The following PTPRK variants were observed in gnomAD, a reference collection of about 807,000 sequenced individuals.
PTPRK encodes protein tyrosine phosphatase receptor type K, also known as receptor-type tyrosine-protein phosphatase kappa.
In PTPRK, 75 loss-of-function variants were observed where a neutral mutation model predicts 178.0. The observed-to-expected ratio is 0.42, with a 90% CI of 0.35 to 0.51. PTPRK has a LOEUF of 0.51. Among genes scored for constraint, PTPRK ranks in the 20% least tolerant of loss-of-function variants. The pLI is 0.02. For synonymous variants in PTPRK, 637 were observed against 620.6 expected, an observed-to-expected ratio of 1.03 and a Z score of -0.39; for missense variants, 1,441 against 1,797.8, an observed-to-expected ratio of 0.80 and a Z score of 3.59.
chr6:128,454,988 T>C (rs374730072), intron 1 of PTPRK, among the ~76,000 whole-genome samples: 2 of 152,214 alleles, frequency 1.3e-5, no homozygotes, highest in East Asian at 3.9e-4. Context: ...ATAAAAGCCT[T>C]TTGCAAAGAG....
intron 1 of PTPRK, among the ~76,000 whole-genome samples, chr6:128,422,279 C>A (rs1419545146): frequency 3.3e-5 from 5 of 152,138 alleles, no homozygotes; most frequent in Non-Finnish European, 5.9e-5. Flanking sequence ...CACTCTCCCC[C>A]ACCTTCTCCC....
intron 7 of PTPRK, among the ~76,000 whole-genome samples, chr6:128,133,224 A>T (rs1794523089): frequency 6.6e-6 from 1 of 152,242 alleles, no homozygotes; most frequent in Non-Finnish European, 1.5e-5. Context: ...GACAAGATGA[A>T]TAGAATGATG....
At chr6:128,208,525 G>A (rs1412139532) in intron 6 of PTPRK, among the ~76,000 whole-genome samples, 1 of 152,054 alleles carries the variant, frequency 6.6e-6, no homozygotes, top group Admixed American at 6.6e-5. Context: ...TGAAGCAGTG[G>A]GGGATATCTT....
intron 13 of PTPRK, among the ~76,000 whole-genome samples, chr6:128,058,351 A>C (rs1780249454): frequency 6.6e-6 from 1 of 151,982 alleles, no homozygotes; most frequent in Non-Finnish European, 1.5e-5. Flanking sequence ...CATTTTACTA[A>C]TTTTGGTATA....
chr6:128,134,054 C>A (rs910984703), intron 7 of PTPRK, among the ~76,000 whole-genome samples: 1 of 151,988 alleles, frequency 6.6e-6, no homozygotes. Flanking sequence ...CTAAGTGGGT[C>A]TAATAATACT....
At chr6:128,149,227 CA>C (rs1796921725) in intron 7 of PTPRK, among the ~76,000 whole-genome samples, 2 of 151,620 alleles carry the variant, frequency 1.3e-5, no homozygotes, top group African/African-American at 4.8e-5. Flanking sequence ...AGGTACAGCA[CA>C]CCAACATGGC....
chr6:128,139,215 A>G (rs528923639), intron 7 of PTPRK, among the ~76,000 whole-genome samples: 1 of 152,156 alleles, frequency 6.6e-6, no homozygotes, highest in East Asian at 1.9e-4. Flanking sequence ...AGAACATTGG[A>G]TGAAGAATTT....
At chr6:127,983,463 G>T in intron 22 of PTPRK, 86 bp from the exon 23 acceptor site, 2 of 1,411,690 alleles carry the variant, frequency 1.4e-6, no homozygotes, top group Non-Finnish European at 1.9e-6. Context: ...TGTCAGATAG[G>T]TAGAATCAAA....
chr6:128,003,344 T>C (rs1778056095), intron 15 of PTPRK: 2 of 1,089,530 alleles, frequency 1.8e-6, no homozygotes, highest in African/African-American at 1.6e-5. Context: ...TATTAAACTT[T>C]CTCAGATTAC....
intron 6 of PTPRK, among the ~76,000 whole-genome samples, chr6:128,190,453 A>C (rs370670381): frequency 6.8e-6 from 1 of 147,798 alleles, no homozygotes; most frequent in South Asian, 2.1e-4. Context: ...TTATGTTAAA[A>C]TCTATTCTTA....
intron 7 of PTPRK, among the ~76,000 whole-genome samples, chr6:128,148,719 T>A (rs1486952500): frequency 6.6e-6 from 1 of 152,130 alleles, no homozygotes; most frequent in African/African-American, 2.4e-5. Flanking sequence ...AAAGAATACA[T>A]TAGCCTTTCA....
At chr6:128,202,883 A>T (rs990172724) in intron 6 of PTPRK, among the ~76,000 whole-genome samples, 7 of 152,180 alleles carry the variant, frequency 4.6e-5, no homozygotes, top group African/African-American at 1.7e-4. Context: ...AGAAGGCGGG[A>T]TTCTTCCCTA....
chr6:128,142,364 ATAGAT>A lies in PTPRK; in HGVS notation c.1162+42063_1162+42067del, dbSNP rs547870002. On this transcript the variant is annotated intron_variant, in intron 7 of 29. Transcript: ENST00000368226. ...CCACAGGCCATAAGATCTTGCACAG[ATAGAT>A]TAAGTGTAATGAAGTAAAGGGAATA... Among the ~76,000 whole-genome samples the A allele has an allele frequency of 1.7e-3, 255 of 152,086 alleles. 1 individual carries two copies. Among genetic ancestry groups the A allele is most frequent in the Admixed American group, 4.3e-3 (65 of 15,236 alleles).
intron 11 of PTPRK, among the ~76,000 whole-genome samples, chr6:128,072,700 T>C (rs976689570): frequency 6.6e-6 from 1 of 152,054 alleles, no homozygotes; most frequent in Non-Finnish European, 1.5e-5. Flanking sequence ...ATACTAAACA[T>C]ACAGTCAAGA....
At chr6:128,131,641 A>C (rs757286758) in intron 7 of PTPRK, among the ~76,000 whole-genome samples, 2 of 152,218 alleles carry the variant, frequency 1.3e-5, no homozygotes, top group African/African-American at 2.4e-5. Flanking sequence ...CCTGCAGAAC[A>C]ATATGCCCTC....
intron 19 of PTPRK, among the ~76,000 whole-genome samples, chr6:127,992,460 T>C (rs1010205897): frequency 6.6e-6 from 1 of 151,822 alleles, no homozygotes; most frequent in Non-Finnish European, 1.5e-5. Flanking sequence ...CCAGCTTTTC[T>C]TTCACTTTTA....
At chr6:128,026,337 C>A (rs1160623412) in intron 13 of PTPRK, among the ~76,000 whole-genome samples, 1 of 152,146 alleles carries the variant, frequency 6.6e-6, no homozygotes, top group African/African-American at 2.4e-5. Context: ...GTAAAGTGGT[C>A]TTTCCCTTAC....
At chr6:128,047,213 A>G (rs181862374) in intron 13 of PTPRK, among the ~76,000 whole-genome samples, 1 of 152,292 alleles carries the variant, frequency 6.6e-6, no homozygotes, top group African/African-American at 2.4e-5. Context: ...GTTTCTTAAT[A>G]TTGGAATACA....
chr6:128,311,482 C>T (rs1827237707), intron 3 of PTPRK, among the ~76,000 whole-genome samples: 1 of 152,162 alleles, frequency 6.6e-6, no homozygotes, highest in Non-Finnish European at 1.5e-5. Context: ...TTTCAACATA[C>T]TACTTCCCTC....
Sources: allele counts gnomAD v4.1 joint callset (sites outside exome capture counted in the v4.1 genomes callset), GRCh38; gene constraint gnomAD v4.1.1; transcripts MANE v1.5; gene names NCBI Gene and HGNC (gene_info 2026-07-23, HGNC 2026-07-21).